Variants in CNTNAP3B observed in about 807,000 individuals in gnomAD.
CNTNAP3B encodes the protein contactin associated protein family member 3B.
Under a neutral mutation model 108.9 loss-of-function variants are expected in CNTNAP3B, and 25 were observed. That is an observed-to-expected ratio of 0.23 (90% CI 0.17 to 0.32). The LOEUF (loss-of-function observed/expected upper bound fraction) is 0.32. Ranked by LOEUF, CNTNAP3B falls within the 10% of genes least tolerant of loss-of-function variation. The pLI is 1.00. For missense variants in CNTNAP3B, 252 were observed against 1,210.4 expected (o/e 0.21, Z 11.75); for synonymous variants, 103 against 473.4 (o/e 0.22, Z 10.16).
chr9:41,990,070 A>G (rs1350183502), intron 8 of CNTNAP3B, among the ~76,000 whole-genome samples: 2 of 129,632 alleles, frequency 1.5e-5, no homozygotes, highest in African/African-American at 6.2e-5. Flanking sequence ...TAAATGGATG[A>G]AATTTCTTTA....
At chr9:41,925,303 G>A (rs1236694507) in intron 15 of CNTNAP3B, among the ~76,000 whole-genome samples, 2 of 151,982 alleles carry the variant, frequency 1.3e-5, no homozygotes, top group Non-Finnish European at 1.5e-5. Context: ...GTTAGAAATA[G>A]CTTTTCTCGG....
chr9:41,950,113 T>C (rs1227713965), intron 13 of CNTNAP3B, among the ~76,000 whole-genome samples: 2 of 104,862 alleles, frequency 1.9e-5, no homozygotes, highest in South Asian at 2.8e-4. Context: ...GAAAACGATA[T>C]ACAGATGGCA....
At chr9:41,990,678 A>T (rs1482165645) in intron 8 of CNTNAP3B, among the ~76,000 whole-genome samples, 1 of 120,846 alleles carries the variant, frequency 8.3e-6, no homozygotes. Context: ...TTTTTTTTTT[A>T]AAGCCCCCAT....
chr9:42,017,119 G>C (rs1292903553), intron 3 of CNTNAP3B, among the ~76,000 whole-genome samples: 2 of 142,560 alleles, frequency 1.4e-5, no homozygotes, highest in African/African-American at 5.4e-5. Flanking sequence ...TCTGTGGCTT[G>C]GAGTCCACTC....
At chr9:42,058,371 C>A (rs1343873433) in intron 3 of CNTNAP3B, among the ~76,000 whole-genome samples, 11 of 151,204 alleles carry the variant, frequency 7.3e-5, no homozygotes, top group Admixed American at 2.6e-4. Flanking sequence ...TCTTCATCGA[C>A]ACTTGTTATC....
chr9:42,122,387 T>C (rs1193814130), intron 1 of CNTNAP3B, among the ~76,000 whole-genome samples: 2 of 136,556 alleles, frequency 1.5e-5, no homozygotes, highest in Non-Finnish European at 3.1e-5. Flanking sequence ...CCCAAAACTT[T>C]CCTAACTTTT....
chr9:42,109,159 T>C (rs1828139749), intron 1 of CNTNAP3B, among the ~76,000 whole-genome samples: 1 of 138,922 alleles, frequency 7.2e-6, no homozygotes, highest in Non-Finnish European at 1.5e-5. Flanking sequence ...TTATGGGGCA[T>C]AAAGAGAGAC....
chr9:41,973,775 G>GA (rs1187791261), intron 9 of CNTNAP3B, among the ~76,000 whole-genome samples: 3 of 136,956 alleles, frequency 2.2e-5, no homozygotes, highest in African/African-American at 2.9e-5. Context: ...TCACAGACCA[G>GA]AAAAAAAAGA....
rs1283205045 is a variant in CNTNAP3B at position 42,049,637 on chromosome 9, AG to A, written c.390+27231del. Among the ~76,000 whole-genome samples the A allele has an allele frequency of 8.7e-5, 10 of 114,606 alleles. 2 individuals carry two copies. The highest frequency in any genetic ancestry group is 3.8e-4 in the African/African-American group (10 of 26,438). 75.2% of individuals were successfully genotyped at this position (114,606 alleles called of 152,430 possible). On this transcript the variant is annotated intron_variant, in intron 3 of 23. Transcript: ENST00000377561. ...GCCTTGAATGAATATGGGAATCATC[AG>A]GTGGATTCTTTAACATACTGCTTAG... is the stretch of plus-strand genomic sequence containing the variant.
intron 2 of CNTNAP3B, among the ~76,000 whole-genome samples, chr9:42,099,162 G>T (rs183298881): frequency 7.9e-6 from 1 of 126,340 alleles, no homozygotes; most frequent in East Asian, 2.8e-4. Flanking sequence ...AGTGATAATT[G>T]ATGTCAACCT....
At chr9:42,111,077 C>A (rs1339458887) in intron 1 of CNTNAP3B, among the ~76,000 whole-genome samples, 1 of 138,444 alleles carries the variant, frequency 7.2e-6, no homozygotes, top group Non-Finnish European at 1.5e-5. Context: ...CACCCTACCA[C>A]CTGGGGCCAG....
Position 42,077,115 on chromosome 9 carries a change from A to G in CNTNAP3B, c.197-53T>C. The G allele has an allele frequency of 4.1e-6, 6 of 1,458,206 alleles. 2 individuals carry two copies. The highest frequency in any genetic ancestry group is 4.6e-6 in the Non-Finnish European group (5 of 1,082,758). The allele number at this position is 1,458,206 out of a possible 1,614,324, so 90.3% of individuals were successfully genotyped here. A position where few individuals can be genotyped will look rare whatever the true frequency, so the allele number is the denominator to read the frequency against. Reference sequence around the variant, plus strand: ...ATGGTAGAGGAGGAAGTTATTTAACATAGCTGTTACTAGATTAGAAAACTA... The same window carrying G: ...ATGGTAGAGGAGGAAGTTATTTAACGTAGCTGTTACTAGATTAGAAAACTA... On this transcript the variant is annotated intron_variant, in intron 2 of 23. Transcript: ENST00000377561.
intron 3 of CNTNAP3B, among the ~76,000 whole-genome samples, chr9:42,070,607 A>T (rs1184439100): frequency 6.6e-6 from 1 of 150,964 alleles, no homozygotes; most frequent in Non-Finnish European, 1.5e-5. Context: ...TGTAACACAC[A>T]CTCAGACTGA....
chr9:41,925,646 AATTT>A (rs1284156841), intron 15 of CNTNAP3B, among the ~76,000 whole-genome samples: 61 of 152,384 alleles, frequency 4.0e-4, no homozygotes, highest in African/African-American at 1.4e-3. Context: ...ATCTTTTACT[AATTT>A]ATTTGTGTAT....
At chr9:41,917,718 A>G in intron 18 of CNTNAP3B, among the ~76,000 whole-genome samples, 1 of 150,000 alleles carries the variant, frequency 6.7e-6, no homozygotes, top group East Asian at 1.9e-4. Context: ...TTGGTGTAGG[A>G]AGGAAACCCC....
At chr9:42,123,883 TA>T (rs2118751790) in intron 1 of CNTNAP3B, among the ~76,000 whole-genome samples, 1 of 124,820 alleles carries the variant, frequency 8.0e-6, no homozygotes, top group Admixed American at 8.2e-5. Flanking sequence ...TATTTTAACC[TA>T]AAATTTTCTT....
intron 12 of CNTNAP3B, 121 bp from the exon 13 acceptor site, chr9:41,953,507 G>C: frequency 1.8e-6 from 2 of 1,135,284 alleles, no homozygotes; most frequent in Non-Finnish European, 2.5e-6. Context: ...CATGTTTGCC[G>C]CGATTTGAGG....
chr9:41,941,922 A>G (rs553955270), intron 13 of CNTNAP3B, among the ~76,000 whole-genome samples: 2 of 152,192 alleles, frequency 1.3e-5, no homozygotes, highest in African/African-American at 4.8e-5. Context: ...AAACGCTCTT[A>G]TGTCTCCAGC....
chr9:42,044,381 C>A (rs1826824958), intron 3 of CNTNAP3B, among the ~76,000 whole-genome samples: 1 of 150,432 alleles, frequency 6.6e-6, no homozygotes, highest in East Asian at 2.0e-4. Context: ...CAAGGTATCA[C>A]CTCCATTTCT....
Sources: allele counts gnomAD v4.1 joint callset (sites outside exome capture counted in the v4.1 genomes callset), GRCh38; gene constraint gnomAD v4.1.1; transcripts MANE v1.5; gene names NCBI Gene and HGNC (gene_info 2026-07-23, HGNC 2026-07-21).